Variants in DIRAS2 observed in about 807,000 individuals in gnomAD.
The protein encoded by DIRAS2 is GTP-binding protein Di-Ras2.
Under a neutral mutation model 13.9 loss-of-function variants are expected in DIRAS2, and 5 were observed. That is an observed-to-expected ratio of 0.36 (90% CI 0.19 to 0.76). DIRAS2 has a LOEUF of 0.76. Ranked by LOEUF, DIRAS2 falls within the 30% of genes least tolerant of loss-of-function variation. The probability of loss-of-function intolerance (pLI) is 0.53; values close to 1 mark genes in which losing one functional copy is unlikely to be tolerated. For synonymous variants in DIRAS2, 111 were observed against 105.4 expected, an observed-to-expected ratio of 1.05 and a Z score of -0.33; for missense variants, 191 against 263.0, an observed-to-expected ratio of 0.73 and a Z score of 1.89.
chr9:90,629,745 C>G (rs1460224365), intron 1 of DIRAS2, among the ~76,000 whole-genome samples: 1 of 152,156 alleles, frequency 6.6e-6, no homozygotes, highest in Non-Finnish European at 1.5e-5. Context: ...AACTTAAATG[C>G]TATGTAAATA....
At chr9:90,623,130 T>C (rs1025744644) in intron 1 of DIRAS2, among the ~76,000 whole-genome samples, 3 of 152,224 alleles carry the variant, frequency 2.0e-5, no homozygotes, top group Non-Finnish European at 2.9e-5. Flanking sequence ...TTGTGGCTGT[T>C]CTCCTCGCTT....
chr9:90,629,015 C>A (rs868099926), intron 1 of DIRAS2, among the ~76,000 whole-genome samples: 2 of 152,094 alleles, frequency 1.3e-5, no homozygotes, highest in Non-Finnish European at 2.9e-5. Context: ...CCACCACGCC[C>A]GGCTAATTTT....
In DIRAS2 at chr9:90,617,914, A is replaced by G. The variant is rs199878699; in HGVS notation, c.-36-4051T>C. ...GGAAATTACAAACATGGTTGAAAGAAATTGAATACACGAATAAATGGAAAA... is the reference window on the plus strand; with the variant it reads ...GGAAATTACAAACATGGTTGAAAGAGATTGAATACACGAATAAATGGAAAA... On this transcript the variant is annotated intron_variant, in intron 1 of 1. Coordinates refer to ENST00000375765, the MANE Select transcript of DIRAS2 (RefSeq NM_017594.5). 4.6e-5 allele frequency among the ~76,000 whole-genome samples: 7 copies of G among 152,348 alleles called. No homozygotes were observed. The East Asian group carries it at 1.2e-3, about 25-fold the overall frequency.
Position 90,637,049 on chromosome 9 carries a change from A to G in DIRAS2, c.-37+5703T>C, listed in dbSNP as rs78949238. On this transcript the variant is annotated intron_variant, in intron 1 of 1. Transcript: ENST00000375765. ...GTGATCATGAGGATAACTAACAGCT[A>G]TGGCTCACTGCCACTGCCCAGCATA... is the stretch of plus-strand genomic sequence containing the variant. Among the ~76,000 whole-genome samples, 914 of 152,354 alleles carry G rather than the reference A, an allele frequency of 6.0e-3. 1 individual carries two copies. Among genetic ancestry groups the G allele is most frequent in the Non-Finnish European group, 9.3e-3 (633 of 68,032 alleles).
intron 1 of DIRAS2, among the ~76,000 whole-genome samples, chr9:90,625,670 C>T (rs1360410389): frequency 2.0e-5 from 3 of 152,192 alleles, no homozygotes; most frequent in Non-Finnish European, 4.4e-5. Context: ...TATCCCATTG[C>T]TCTATATGTC....
intron 1 of DIRAS2, among the ~76,000 whole-genome samples, chr9:90,640,842 G>T (rs556284051): frequency 6.6e-6 from 1 of 152,206 alleles, no homozygotes; most frequent in South Asian, 2.1e-4. Flanking sequence ...TATGGCATTT[G>T]TCACAGGGAA....
chr9:90,627,369 C>T (rs1825279630), intron 1 of DIRAS2, among the ~76,000 whole-genome samples: 1 of 152,340 alleles, frequency 6.6e-6, no homozygotes, highest in African/African-American at 2.4e-5. Flanking sequence ...AACTCTAACA[C>T]ATGCTACAAC....
rs1487912695 is a variant in DIRAS2, at chr9:90,613,180, G to C, written c.*48C>G. The C allele has an allele frequency of 1.9e-6, 3 of 1,573,000 alleles. No homozygotes were observed. The highest frequency in any genetic ancestry group is 2.2e-5 in the East Asian group (1 of 44,556). On this transcript the variant is annotated 3_prime_UTR_variant, in exon 2 of 2. Transcript: ENST00000375765. The surrounding 1 kb of genome is among the most constrained non-coding windows in gnomAD (Gnocchi z 5.6). ...GACGACGGTGGGTGTCATTTTGGGGGAGTGAGGTGCCGGGGACACACAGCT... is the reference window on the plus strand; with the variant it reads ...GACGACGGTGGGTGTCATTTTGGGGCAGTGAGGTGCCGGGGACACACAGCT...
chr9:90,628,711 C>A (rs547946), intron 1 of DIRAS2, among the ~76,000 whole-genome samples: 130,300 of 151,996 alleles, frequency 0.86, 56,181 homozygotes, highest in Middle Eastern at 0.97. Flanking sequence ...ACACCTGGCT[C>A]ACTTTTTGTA....
At chr9:90,637,274 A>G (rs1432214836) in intron 1 of DIRAS2, among the ~76,000 whole-genome samples, 1 of 152,194 alleles carries the variant, frequency 6.6e-6, no homozygotes, top group Non-Finnish European at 1.5e-5. Context: ...GTGTTTTTTA[A>G]CAGCTTCAGA....
At chr9:90,620,712 C>A (rs967242954) in intron 1 of DIRAS2, among the ~76,000 whole-genome samples, 2 of 151,710 alleles carry the variant, frequency 1.3e-5, no homozygotes, top group East Asian at 3.9e-4. Flanking sequence ...GCACTCCAGC[C>A]TCTCTGACAG....
Position 90,621,961 on chromosome 9 carries a change from C to G in DIRAS2, c.-36-8098G>C, listed in dbSNP as rs546744889. Among the ~76,000 whole-genome samples, 13 of 152,292 alleles carry G rather than the reference C, an allele frequency of 8.5e-5. 1 individual carries two copies. In the South Asian group the frequency reaches 2.7e-3, roughly 32 times the overall value. On this transcript the variant is annotated intron_variant, in intron 1 of 1. Coordinates refer to ENST00000375765, the MANE Select transcript of DIRAS2 (RefSeq NM_017594.5). Reference sequence around the variant, plus strand: ...GCTTTGCCACAGCCTGTTTCTAAATCCTACCAAAAGGCTGGGTGCAGTGGC... The same window carrying G: ...GCTTTGCCACAGCCTGTTTCTAAATGCTACCAAAAGGCTGGGTGCAGTGGC...
chr9:90,629,612 G>A (rs1825305244), intron 1 of DIRAS2, among the ~76,000 whole-genome samples: 1 of 152,008 alleles, frequency 6.6e-6, no homozygotes, highest in Non-Finnish European at 1.5e-5. Flanking sequence ...CAGGACACCT[G>A]TGAATACCAA....
intron 1 of DIRAS2, among the ~76,000 whole-genome samples, chr9:90,615,009 G>A (rs1407278963): frequency 6.6e-6 from 1 of 152,136 alleles, no homozygotes; most frequent in Non-Finnish European, 1.5e-5. Context: ...TTTTAAAACT[G>A]AAGTTGATAA....
chr9:90,627,751 C>T (rs993705387), intron 1 of DIRAS2, among the ~76,000 whole-genome samples: 2 of 152,018 alleles, frequency 1.3e-5, no homozygotes, highest in South Asian at 4.1e-4. Flanking sequence ...TAGCAATAAC[C>T]GAACCATGAA....
intron 1 of DIRAS2, among the ~76,000 whole-genome samples, chr9:90,637,807 T>C (rs1234623659): frequency 6.6e-6 from 1 of 152,198 alleles, no homozygotes; most frequent in Non-Finnish European, 1.5e-5. Context: ...TCCCCTTCAC[T>C]GGGACCTTGT....
intron 1 of DIRAS2, among the ~76,000 whole-genome samples, chr9:90,634,988 T>G (rs757245968): frequency 6.6e-5 from 10 of 152,234 alleles, no homozygotes; most frequent in Non-Finnish European, 1.3e-4. Flanking sequence ...GTTTCATCTT[T>G]AAGACACCTT....
chr9:90,629,496 T>C (rs1587724904), intron 1 of DIRAS2, among the ~76,000 whole-genome samples: 1 of 152,030 alleles, frequency 6.6e-6, no homozygotes, highest in South Asian at 2.1e-4. Flanking sequence ...TAAAATTCAC[T>C]TCTTTCTCAA....
chr9:90,613,075 T>G lies in DIRAS2; in HGVS notation c.*153A>C. On this transcript the variant is annotated 3_prime_UTR_variant, in exon 2 of 2. Transcript: ENST00000375765. This position sits in a 1 kb window ranked among gnomAD's most constrained non-coding sequence, Gnocchi z 5.6. The stretch of plus-strand genomic sequence containing the variant: ...AGTGGGTGGCTTACTGTTGGTGGTG[T>G]GAAACGCCCTCTTAAGGACAATAGG... The G allele has an allele frequency of 8.7e-7, 1 of 1,147,682 alleles. No individual in the cohort carries two copies. The highest frequency in any genetic ancestry group is 1.2e-6 in the Non-Finnish European group (1 of 825,442). 71.1% of individuals were successfully genotyped at this position (1,147,682 alleles called of 1,614,324 possible). A position where few individuals can be genotyped will look rare whatever the true frequency, so the allele number is the denominator to read the frequency against.
Sources: allele counts gnomAD v4.1 joint callset (sites outside exome capture counted in the v4.1 genomes callset), GRCh38; gene constraint gnomAD v4.1.1; non-coding constraint Gnocchi (gnomAD v3.1); transcripts MANE v1.5; gene names NCBI Gene and HGNC (gene_info 2026-07-23, HGNC 2026-07-21).